CHCHD3: variants seen among roughly 807,000 people sequenced by gnomAD.
CHCHD3 encodes MICOS complex subunit MIC19.
In CHCHD3, 20 loss-of-function variants were observed where a neutral mutation model predicts 38.2. That is an observed-to-expected ratio of 0.52 (90% CI 0.37 to 0.76). The LOEUF is 0.76. Ranked by LOEUF, CHCHD3 falls within the 30% of genes least tolerant of loss-of-function variation. The probability of loss-of-function intolerance (pLI) is 0.00; values close to 1 mark genes in which losing one functional copy is unlikely to be tolerated. For missense variants in CHCHD3, 245 were observed against 279.2 expected, an observed-to-expected ratio of 0.88 and a Z score of 0.87; for synonymous variants, 82 against 100.0, an observed-to-expected ratio of 0.82 and a Z score of 1.07.
intron 7 of CHCHD3, among the ~76,000 whole-genome samples, chr7:132,793,924 T>A (rs1326113537): frequency 6.6e-6 from 1 of 152,168 alleles, no homozygotes; most frequent in Admixed American, 6.5e-5. Flanking sequence ...CGGAGTCTCT[T>A]AACAGGGGCA....
intron 4 of CHCHD3, among the ~76,000 whole-genome samples, chr7:132,898,028 G>A (rs567506600): frequency 1.3e-4 from 20 of 151,958 alleles, no homozygotes; most frequent in Non-Finnish European, 2.2e-4. Flanking sequence ...GAGTGTTACA[G>A]CTCTTAAGGC....
chr7:133,033,626 A>T (rs946269501), intron 2 of CHCHD3, among the ~76,000 whole-genome samples: 9 of 152,248 alleles, frequency 5.9e-5, no homozygotes, highest in Non-Finnish European at 2.9e-5. Context: ...GTCACAAATA[A>T]TCTACTAATA....
intron 2 of CHCHD3, among the ~76,000 whole-genome samples, chr7:133,047,409 C>T (rs926151802): frequency 3.3e-5 from 5 of 152,074 alleles, no homozygotes; most frequent in African/African-American, 1.2e-4. Flanking sequence ...GAAAAGCTAC[C>T]CTGCCTGAAT....
intron 5 of CHCHD3, among the ~76,000 whole-genome samples, chr7:132,869,513 C>T (rs1244303166): frequency 6.6e-6 from 1 of 152,154 alleles, no homozygotes; most frequent in African/African-American, 2.4e-5. Context: ...AATTATCAGA[C>T]TTCTAACTTT....
intron 2 of CHCHD3, among the ~76,000 whole-genome samples, chr7:133,058,160 A>T (rs1562950747): frequency 6.6e-6 from 1 of 152,200 alleles, no homozygotes; most frequent in Non-Finnish European, 1.5e-5. Context: ...GGAAAAAGAA[A>T]CAGGTGATTG....
chr7:133,036,053 C>A, intron 2 of CHCHD3: 1 of 718,748 alleles, frequency 1.4e-6, no homozygotes, highest in Non-Finnish European at 2.4e-6. Context: ...ATCCAACACA[C>A]ATGATGATTT....
chr7:132,864,477 A>G (rs1261058557), intron 5 of CHCHD3, among the ~76,000 whole-genome samples: 1 of 152,234 alleles, frequency 6.6e-6, no homozygotes, highest in Non-Finnish European at 1.5e-5. Context: ...AAAAGTTTGA[A>G]ATATTATGGG....
chr7:133,003,075 T>C (rs1328081446), intron 3 of CHCHD3, among the ~76,000 whole-genome samples: 1 of 152,122 alleles, frequency 6.6e-6, no homozygotes, highest in Non-Finnish European at 1.5e-5. Context: ...AGGAGGTCAA[T>C]TCGGATAGTT....
intron 2 of CHCHD3, among the ~76,000 whole-genome samples, chr7:133,047,217 T>G (rs1275364672): frequency 6.6e-6 from 1 of 152,078 alleles, no homozygotes; most frequent in Non-Finnish European, 1.5e-5. Flanking sequence ...ACCCAAAAAA[T>G]GTTTCAGAGG....
intron 2 of CHCHD3, among the ~76,000 whole-genome samples, chr7:133,032,410 AG>A: frequency 6.6e-6 from 1 of 152,326 alleles, no homozygotes; most frequent in South Asian, 2.1e-4. Context: ...CTGTACCAGA[AG>A]GCAGTGTTAG....
At chr7:132,787,352 A>G (rs747491753) in intron 7 of CHCHD3, among the ~76,000 whole-genome samples, 25 of 152,138 alleles carry the variant, frequency 1.6e-4, no homozygotes, top group Non-Finnish European at 3.7e-4. Context: ...AGGAAGCCCA[A>G]GGAGGAGGCA....
At chr7:132,816,890 G>A (rs1807213162) in intron 6 of CHCHD3, among the ~76,000 whole-genome samples, 1 of 152,132 alleles carries the variant, frequency 6.6e-6, no homozygotes, top group Non-Finnish European at 1.5e-5. Flanking sequence ...AGATAAAGAA[G>A]ATCCGAGAAC....
chr7:132,949,303 C>T (rs72607795), intron 4 of CHCHD3, among the ~76,000 whole-genome samples: 10,257 of 152,084 alleles, frequency 0.067, 828 homozygotes, highest in East Asian at 0.2. Context: ...GTGACAAGCA[C>T]GCCTCCCAGG....
At chr7:132,816,393 C>T (rs1488474472) in intron 6 of CHCHD3, among the ~76,000 whole-genome samples, 1 of 152,164 alleles carries the variant, frequency 6.6e-6, no homozygotes, top group African/African-American at 2.4e-5. Flanking sequence ...TCAGATTTAG[C>T]ATTTACCCTT....
At chr7:133,056,718 T>A (rs1363884637) in intron 2 of CHCHD3, among the ~76,000 whole-genome samples, 1 of 152,192 alleles carries the variant, frequency 6.6e-6, no homozygotes, top group African/African-American at 2.4e-5. Flanking sequence ...TGGCCCTGGA[T>A]GCTTCTGTGT....
At chr7:132,936,809 C>T (rs1810643211) in intron 4 of CHCHD3, among the ~76,000 whole-genome samples, 1 of 152,196 alleles carries the variant, frequency 6.6e-6, no homozygotes, top group South Asian at 2.1e-4. Context: ...TGGCAAAGGG[C>T]TCAATTTGCT....
At chr7:132,791,891 C>T (rs1007601446) in intron 7 of CHCHD3, among the ~76,000 whole-genome samples, 4 of 152,168 alleles carry the variant, frequency 2.6e-5, no homozygotes, top group Non-Finnish European at 5.9e-5. Flanking sequence ...TGGCCAGGTT[C>T]CTTTCTGATC....
At chr7:132,911,095 G>C (rs1809936810) in intron 4 of CHCHD3, among the ~76,000 whole-genome samples, 1 of 152,144 alleles carries the variant, frequency 6.6e-6, no homozygotes, top group South Asian at 2.1e-4. Flanking sequence ...GAAGAATAAG[G>C]GTTAAAAGGG....
rs370961893 is a variant in CHCHD3 at position 133,054,997 on chromosome 7, G to A, written c.169+15145C>T. On this transcript the variant is annotated intron_variant, in intron 2 of 7. Coordinates refer to ENST00000262570, the MANE Select transcript of CHCHD3 (RefSeq NM_017812.4). ...ACAAGGAGCTTAATGTATAGTAAAG[G>A]TGCTAACAGAGTTATAAATAAGTAA... Among the ~76,000 whole-genome samples, 317 of 152,098 alleles carry A rather than the reference G, an allele frequency of 2.1e-3. 3 individuals carry two copies. The highest frequency in any genetic ancestry group is 7.5e-3 in the African/African-American group (310 of 41,506).
Sources: gnomAD v4.1 joint callset for allele counts (sites outside exome capture counted in the v4.1 genomes callset) on GRCh38, gnomAD v4.1.1 for gene constraint, MANE v1.5 for transcripts, NCBI Gene and HGNC (gene_info 2026-07-23, HGNC 2026-07-21) for gene names.